Variants in C4orf33 observed in about 807,000 individuals in gnomAD.
The protein encoded by C4orf33 is UPF0462 protein C4orf33.
In C4orf33, 20 loss-of-function variants were observed where a neutral mutation model predicts 24.3. The observed-to-expected ratio is 0.82, with a 90% CI of 0.58 to 1.19. The LOEUF (loss-of-function observed/expected upper bound fraction) is 1.19, where lower values mean the gene tolerates loss of function less well. Ranked by LOEUF, C4orf33 falls within the 50% of genes most tolerant of loss-of-function variation. C4orf33 has a pLI of 0.00. For synonymous variants in C4orf33, 67 were observed against 76.4 expected (o/e 0.88, Z 0.64); for missense variants, 207 against 225.9 (o/e 0.92, Z 0.54).
At chr4:129,098,897 T>G (rs1753276777) in intron 1 of C4orf33, among the ~76,000 whole-genome samples, 1 of 152,162 alleles carries the variant, frequency 6.6e-6, no homozygotes, top group African/African-American at 2.4e-5. Context: ...AGTTTTTTTT[T>G]GCATGCTACT....
intron 1 of C4orf33, among the ~76,000 whole-genome samples, chr4:129,098,928 T>G (rs1753277752): frequency 6.6e-6 from 1 of 152,094 alleles, no homozygotes; most frequent in Non-Finnish European, 1.5e-5. Flanking sequence ...TAATGTATAA[T>G]GAGCAGTGAG....
chr4:129,109,263 A>T (rs750389506), intron 3 of C4orf33, 44 bp from the exon 4 acceptor site: 2 of 1,548,646 alleles, frequency 1.3e-6, no homozygotes, highest in Admixed American at 1.7e-5. Context: ...AGAAAATAAC[A>T]TTCATGTTTT....
intron 1 of C4orf33, among the ~76,000 whole-genome samples, chr4:129,101,462 A>T (rs1310559856): frequency 6.6e-6 from 1 of 152,148 alleles, no homozygotes; most frequent in African/African-American, 2.4e-5. Flanking sequence ...GATAAAACAT[A>T]GGATCTAGTA....
intron 5 of C4orf33, among the ~76,000 whole-genome samples, chr4:129,110,416 C>T (rs1051009576): frequency 6.6e-6 from 1 of 152,172 alleles, no homozygotes; most frequent in African/African-American, 2.4e-5. Flanking sequence ...GACTAGAGCT[C>T]CTGGCCAGCC....
chr4:129,099,989 A>G (rs910015401), intron 1 of C4orf33, among the ~76,000 whole-genome samples: 5 of 152,306 alleles, frequency 3.3e-5, no homozygotes, highest in African/African-American at 1.2e-4. Context: ...ATTAAAGCCA[A>G]AATTATATTC....
upstream of C4orf33, chr4:129,096,019 G>T (rs1696788480): frequency 6.6e-6 from 1 of 152,112 alleles, no homozygotes; most frequent in Admixed American, 6.5e-5. Context: ...TTAGTGGAAC[G>T]ATTAGAAGTC....
Position 129,112,054 on chromosome 4 carries a change from A to T in C4orf33, c.*263A>T. 3.8e-6 allele frequency: 1 copy of T among 264,654 alleles called. No homozygotes were observed. The highest frequency in any genetic ancestry group is 8.3e-5 in the South Asian group (1 of 12,060). The allele number at this position is 264,654 out of a possible 1,614,324, so 16.4% of individuals were successfully genotyped here. A position where few individuals can be genotyped will look rare whatever the true frequency, so the allele number is the denominator to read the frequency against. ...ATGTTGCATTCCCAGCACACAGTAC[A>T]GTTATTCTTGAAAACTACAAGTGAA... On this transcript the variant is annotated 3_prime_UTR_variant, in exon 6 of 6. Coordinates refer to ENST00000425929, the MANE Select transcript of C4orf33 (RefSeq NM_001099783.2).
chr4:129,105,994 G>A (rs1251858353), intron 2 of C4orf33, among the ~76,000 whole-genome samples: 14 of 152,076 alleles, frequency 9.2e-5, no homozygotes, highest in Non-Finnish European at 1.5e-5. Context: ...TTGCTGTTCT[G>A]CAGCTGACTT....
intron 5 of C4orf33, among the ~76,000 whole-genome samples, chr4:129,111,012 T>C (rs1660054654): frequency 6.6e-6 from 1 of 152,194 alleles, no homozygotes; most frequent in African/African-American, 2.4e-5. Context: ...AATACCTTCC[T>C]ATATTCAGGC....
rs1462928608 is a variant in C4orf33 at position 129,114,076 on chromosome 4, C to T, written c.*2285C>T. On this transcript the variant is annotated 3_prime_UTR_variant, in exon 6 of 6. Coordinates refer to ENST00000425929, the MANE Select transcript of C4orf33 (RefSeq NM_001099783.2). ...CCTATCCTCTCAGCCTAACTTTTTA[C>T]TCCAGCCATCAGTTGCATACAGTGA... 3 of 152,284 alleles carry T rather than the reference C, an allele frequency of 2.0e-5. No individual in the cohort carries two copies. Among genetic ancestry groups the T allele is most frequent in the South Asian group, 4.1e-4 (2 of 4,830 alleles). 9.4% of individuals were successfully genotyped at this position (152,284 alleles called of 1,614,324 possible).
At chr4:129,101,621 A>G (rs1422289809) in intron 1 of C4orf33, among the ~76,000 whole-genome samples, 1 of 152,154 alleles carries the variant, frequency 6.6e-6, no homozygotes, top group African/African-American at 2.4e-5. Flanking sequence ...TCCATTTGTA[A>G]TGAGGACAGT....
rs775893193 is a variant in C4orf33 at position 129,113,146 on chromosome 4, A to G, written c.*1355A>G. On this transcript the variant is annotated 3_prime_UTR_variant, in exon 6 of 6. Coordinates refer to ENST00000425929, the MANE Select transcript of C4orf33 (RefSeq NM_001099783.2). The stretch of plus-strand genomic sequence containing the variant: ...ACTATTTATAATATGGATAAAAATG[A>G]AGCACAAATATGATAGATACAATCA... The G allele has an allele frequency of 2.0e-5, 3 of 152,288 alleles. No homozygotes were observed. Among genetic ancestry groups the G allele is most frequent in the Middle Eastern group, 6.8e-3 (2 of 294 alleles). 9.4% of individuals were successfully genotyped at this position (152,288 alleles called of 1,614,324 possible). A position where few individuals can be genotyped will look rare whatever the true frequency, so the allele number is the denominator to read the frequency against.
At position 129,111,676 on chromosome 4, in the gene C4orf33, T is replaced by C; in HGVS notation, c.495-10T>C. ...ATTTCAATTCCCACCTTCTTTTTCT[T>C]TGCTTTTAGCCATTGCCTAGAATAC... On this transcript the variant is annotated splice_polypyrimidine_tract_variant and intron_variant, in intron 5 of 5. Coordinates refer to ENST00000425929, the MANE Select transcript of C4orf33 (RefSeq NM_001099783.2). 1 of 1,540,888 alleles carries C rather than the reference T, an allele frequency of 6.5e-7. No homozygotes were observed. Among genetic ancestry groups the C allele is most frequent in the Non-Finnish European group, 8.9e-7 (1 of 1,120,122 alleles).
At chr4:129,097,556 G>A (rs1753242364) in intron 1 of C4orf33, among the ~76,000 whole-genome samples, 1 of 152,100 alleles carries the variant, frequency 6.6e-6, no homozygotes, top group Admixed American at 6.6e-5. Flanking sequence ...GTATGGTATA[G>A]CATAATTTTT....
upstream of C4orf33, chr4:129,093,793 AAAAC>A (rs58181062): frequency 1.6e-4 from 25 of 153,060 alleles, no homozygotes; most frequent in South Asian, 8.2e-4. Context: ...CAACCTCTTT[AAAAC>A]AAACAAACAA....
intron 1 of C4orf33, among the ~76,000 whole-genome samples, chr4:129,099,296 A>G (rs1034536643): frequency 5.9e-5 from 9 of 152,308 alleles, no homozygotes; most frequent in South Asian, 2.1e-4. Flanking sequence ...GACTTATTAT[A>G]TATTATTTCC....
At chr4:129,094,206 C>CT (rs1192186090), upstream of C4orf33, among the ~76,000 whole-genome samples, 38 of 151,926 alleles carry the variant, frequency 2.5e-4, no homozygotes, top group Non-Finnish European at 4.3e-4. Flanking sequence ...ATAAAAGGTA[C>CT]TTTTTTTTGC....
intron 5 of C4orf33, among the ~76,000 whole-genome samples, chr4:129,111,206 T>C (rs1468494329): frequency 6.6e-6 from 1 of 152,222 alleles, no homozygotes; most frequent in Non-Finnish European, 1.5e-5. Flanking sequence ...GTGGTTTTCC[T>C]CGAAAGAAAA....
intron 1 of C4orf33, among the ~76,000 whole-genome samples, chr4:129,098,079 T>C (rs1441965618): frequency 1.3e-5 from 2 of 152,190 alleles, no homozygotes; most frequent in Non-Finnish European, 2.9e-5. Flanking sequence ...TTCCCCAGAC[T>C]TTTGATTTTG....
Sources: allele counts gnomAD v4.1 joint callset (sites outside exome capture counted in the v4.1 genomes callset), GRCh38; gene constraint gnomAD v4.1.1; transcripts MANE v1.5; gene names NCBI Gene and HGNC (gene_info 2026-07-23, HGNC 2026-07-21).